The following CTNND2 variants were observed in gnomAD, a reference collection of about 807,000 sequenced individuals.
CTNND2 encodes the protein catenin delta 2, also known as catenin delta-2.
CTNND2 carries 22 observed loss-of-function variants against 144.4 expected under a neutral mutation model. The ratio of observed to expected loss-of-function variants is 0.15; its 90% CI spans 0.11 to 0.22. The LOEUF (loss-of-function observed/expected upper bound fraction) is 0.22, where lower values mean the gene tolerates loss of function less well. CTNND2 is among the 10% of genes least tolerant of loss of function. The probability of loss-of-function intolerance (pLI) is 1.00; values close to 1 mark genes in which losing one functional copy is unlikely to be tolerated. For missense variants in CTNND2, 1,353 were observed against 1,618.8 expected (o/e 0.84, Z 2.82); for synonymous variants, 751 against 695.6 (o/e 1.08, Z -1.25).
chr5:11,527,343 G>A (rs1233514445), intron 3 of CTNND2, among the ~76,000 whole-genome samples: 1 of 152,142 alleles, frequency 6.6e-6, no homozygotes, highest in Non-Finnish European at 1.5e-5. Flanking sequence ...AGGCAGGCTG[G>A]CGCCAGAAGC....
chr5:11,448,590 G>A (rs935885087), intron 3 of CTNND2, among the ~76,000 whole-genome samples: 1 of 152,082 alleles, frequency 6.6e-6, no homozygotes, highest in Non-Finnish European at 1.5e-5. Flanking sequence ...ACAAGCAAAA[G>A]ATCTCATTTT....
At chr5:11,129,899 GT>G (rs1448278631) in intron 12 of CTNND2, among the ~76,000 whole-genome samples, 1 of 152,112 alleles carries the variant, frequency 6.6e-6, no homozygotes, top group Non-Finnish European at 1.5e-5. Context: ...ACTTTTATTG[GT>G]TGCAAATAAT....
chr5:11,181,691 T>C (rs896362493), intron 11 of CTNND2, among the ~76,000 whole-genome samples: 4 of 145,290 alleles, frequency 2.8e-5, no homozygotes, highest in African/African-American at 1.0e-4. Context: ...GTCTGTGTGG[T>C]GTGTGTGTGG....
intron 15 of CTNND2, among the ~76,000 whole-genome samples, chr5:11,092,224 C>G (rs1477642966): frequency 6.6e-6 from 1 of 152,226 alleles, no homozygotes; most frequent in African/African-American, 2.4e-5. Flanking sequence ...TTCTTTGTTG[C>G]TGTTGTTTTT....
Position 10,973,971 on chromosome 5 carries a change from A to G in CTNND2, c.3418-258T>C, listed in dbSNP as rs1379817692. On this transcript the variant is annotated intron_variant, in intron 21 of 21. Coordinates refer to ENST00000304623, the MANE Select transcript of CTNND2 (RefSeq NM_001332.4). This position sits in a 1 kb window ranked among gnomAD's most constrained non-coding sequence, Gnocchi z 5.6. ...AACATAAAACAGCTTGCTTTAAGAA[A>G]TGTTGAAGTGTAAGATTAATTAGGT... Among the ~76,000 whole-genome samples, 1 of 152,240 alleles carries G rather than the reference A, an allele frequency of 6.6e-6. No homozygotes were observed. Among genetic ancestry groups the G allele is most frequent in the Admixed American group, 6.5e-5 (1 of 15,288 alleles).
At chr5:11,265,800 G>C (rs568990281) in intron 9 of CTNND2, among the ~76,000 whole-genome samples, 1 of 146,262 alleles carries the variant, frequency 6.8e-6, no homozygotes, top group South Asian at 2.2e-4. Flanking sequence ...CCGCCTCCCA[G>C]GTCCCAGTTC....
At chr5:11,571,291 G>A (rs973159595) in intron 2 of CTNND2, among the ~76,000 whole-genome samples, 6 of 152,094 alleles carry the variant, frequency 3.9e-5, no homozygotes, top group South Asian at 2.1e-4. Context: ...TTGTATGAGC[G>A]CCAGCATGAG....
chr5:11,571,618 T>C lies in CTNND2; in HGVS notation c.175-6562A>G, dbSNP rs183719362. On this transcript the variant is annotated intron_variant, in intron 2 of 21. Transcript: ENST00000304623. ...GAGATCTAGCTGATATCTAAATTAG[T>C]GTTCAGCCAATCTCCGGAGCTTACC... Among the ~76,000 whole-genome samples the C allele has an allele frequency of 2.8e-3, 433 of 152,230 alleles. 2 individuals are homozygous for C. The highest frequency in any genetic ancestry group is 4.6e-3 in the Non-Finnish European group (316 of 68,008).
At position 10,980,306 on chromosome 5, in the gene CTNND2, A is replaced by G. The variant is rs181907070; in HGVS notation, c.3417+1467T>C. Among the ~76,000 whole-genome samples, 881 of 152,362 alleles carry G rather than the reference A, an allele frequency of 5.8e-3. 9 individuals are homozygous for G. Among genetic ancestry groups the G allele is most frequent in the African/African-American group, 0.02 (850 of 41,590 alleles). Reference sequence around the variant, plus strand: ...ACAGACATATGAAAAAATGCTCTTCATCACTGGCCATCAGAGAAATGCAAA... The same window carrying G: ...ACAGACATATGAAAAAATGCTCTTCGTCACTGGCCATCAGAGAAATGCAAA... On this transcript the variant is annotated intron_variant, in intron 21 of 21. Transcript: ENST00000304623.
intron 16 of CTNND2, among the ~76,000 whole-genome samples, chr5:11,074,796 A>G (rs1377037514): frequency 6.6e-6 from 1 of 152,170 alleles, no homozygotes; most frequent in Non-Finnish European, 1.5e-5. Flanking sequence ...TTTTCACTCA[A>G]AGACAGAACA....
intron 3 of CTNND2, among the ~76,000 whole-genome samples, chr5:11,431,624 C>T (rs543985909): frequency 3.0e-4 from 46 of 152,184 alleles, no homozygotes; most frequent in African/African-American, 9.6e-4. Context: ...TGGGGAAGCC[C>T]GCGTTAGCCA....
chr5:11,023,354 T>C (rs1272836448), intron 16 of CTNND2, among the ~76,000 whole-genome samples: 2 of 152,216 alleles, frequency 1.3e-5, no homozygotes, highest in Admixed American at 6.5e-5. Context: ...CAGGACTCCA[T>C]AGGTATTAGC....
intron 1 of CTNND2, among the ~76,000 whole-genome samples, chr5:11,733,487 G>A (rs1473778924): frequency 6.6e-6 from 1 of 151,602 alleles, no homozygotes; most frequent in Non-Finnish European, 1.5e-5. Context: ...AGTTTGAGAG[G>A]GTTTTTCCCA....
At chr5:11,577,050 CAGGGGTGTATTG>C (rs2150124173) in intron 2 of CTNND2, among the ~76,000 whole-genome samples, 1 of 152,300 alleles carries the variant, frequency 6.6e-6, no homozygotes, top group African/African-American at 2.4e-5. Context: ...ACAATGACCA[CAGGGGTGTATTG>C]AGTCTTTCGC....
intron 2 of CTNND2, among the ~76,000 whole-genome samples, chr5:11,629,906 A>G (rs1781334132): frequency 6.6e-6 from 1 of 152,132 alleles, no homozygotes; most frequent in Admixed American, 6.5e-5. Context: ...TTAATTGTTG[A>G]AAAAAATGCT....
At chr5:11,260,725 G>A (rs1310073874) in intron 9 of CTNND2, among the ~76,000 whole-genome samples, 3 of 151,956 alleles carry the variant, frequency 2.0e-5, no homozygotes, top group African/African-American at 7.3e-5. Flanking sequence ...ATAGTACTGG[G>A]GATTAAGTTT....
At chr5:11,828,633 T>C (rs1181453915) in intron 1 of CTNND2, among the ~76,000 whole-genome samples, 3 of 152,184 alleles carry the variant, frequency 2.0e-5, no homozygotes, top group South Asian at 4.1e-4. Flanking sequence ...CCTTCTGCCA[T>C]GATTGTGAGG....
chr5:11,040,259 C>G (rs1744564903), intron 16 of CTNND2, among the ~76,000 whole-genome samples: 2 of 151,872 alleles, frequency 1.3e-5, no homozygotes. Context: ...AAAACAAAAA[C>G]AAAAACAAAA....
At chr5:11,016,016 G>T (rs1741566142) in intron 18 of CTNND2, among the ~76,000 whole-genome samples, 1 of 152,194 alleles carries the variant, frequency 6.6e-6, no homozygotes, top group African/African-American at 2.4e-5. Context: ...CTTAACAGTT[G>T]TCCCTTGAGC....
Sources: allele counts gnomAD v4.1 joint callset (sites outside exome capture counted in the v4.1 genomes callset), GRCh38; gene constraint gnomAD v4.1.1; non-coding constraint Gnocchi (gnomAD v3.1); transcripts MANE v1.5; gene names NCBI Gene and HGNC (gene_info 2026-07-23, HGNC 2026-07-21).